The following UNG variants were observed in gnomAD, a reference collection of about 807,000 sequenced individuals.
The protein encoded by UNG is uracil-DNA glycosylase.
Under a neutral mutation model 36.5 loss-of-function variants are expected in UNG, and 34 were observed. The observed-to-expected ratio is 0.93, with a 90% CI of 0.71 to 1.24. The LOEUF (loss-of-function observed/expected upper bound fraction) is 1.24. Among genes scored for constraint, UNG ranks in the 50% most tolerant of loss-of-function variants. The pLI is 0.00. For synonymous variants in UNG, 172 were observed against 157.8 expected (o/e 1.09, Z -0.67); for missense variants, 391 against 397.6 (o/e 0.98, Z 0.14).
chr12:109,099,113 A>C, intron 2 of UNG, 76 bp from the exon 3 acceptor site: 2 of 1,349,672 alleles, frequency 1.5e-6, no homozygotes, highest in South Asian at 1.2e-5. Flanking sequence ...AATAACTTGC[A>C]CTAGAAGCTT....
intron 1 of UNG, 21 bp from the exon 2 acceptor site, chr12:109,098,411 C>A (rs368919428): frequency 1.2e-6 from 2 of 1,605,168 alleles, no homozygotes; most frequent in Non-Finnish European, 1.7e-6. Context: ...CTTGAGCCGC[C>A]TCTGCGGGGA....
At chr12:109,102,804 T>G in intron 4 of UNG, 35 bp from the exon 5 acceptor site, 3 of 1,520,032 alleles carry the variant, frequency 2.0e-6, no homozygotes, top group Non-Finnish European at 2.7e-6. Context: ...ATGCTTAAGA[T>G]TCTGTTTTTT....
chr12:109,098,356 G>C (rs774289700), intron 1 of UNG, 76 bp from the exon 2 acceptor site: 1 of 1,603,126 alleles, frequency 6.2e-7, no homozygotes, highest in Non-Finnish European at 8.5e-7. Flanking sequence ...GGCCGTGGGG[G>C]TTGGGCCGGA....
chr12:109,098,053 G>T (rs1461893193), intron 1 of UNG: 8 of 1,375,522 alleles, frequency 5.8e-6, no homozygotes, highest in Non-Finnish European at 5.7e-6. Flanking sequence ...AGGCCCTCCT[G>T]GCTCGGTGCG....
chr12:109,106,844 C>A (rs2042218007), intron 6 of UNG, among the ~76,000 whole-genome samples: 1 of 44,932 alleles, frequency 2.2e-5, no homozygotes, highest in Non-Finnish European at 5.0e-5. Flanking sequence ...TCCAGCCTGG[C>A]AACAGAGTGA....
chr12:109,099,175 T>A lies in UNG; in HGVS notation c.340-14T>A. 6.2e-7 allele frequency: 1 copy of A among 1,608,042 alleles called. No individual in the cohort carries two copies. The highest frequency in any genetic ancestry group is 8.5e-7 in the Non-Finnish European group (1 of 1,175,722). On this transcript the variant is annotated splice_polypyrimidine_tract_variant and intron_variant, in intron 2 of 6. Transcript: ENST00000242576. ...TGAGAATCTGATTTTAAGTCTAGTT[T>A]ATCTTTAAATCAGCTAATGGGATTT... is the stretch of plus-strand genomic sequence containing the variant.
chr12:109,102,784 T>A, intron 4 of UNG, 55 bp from the exon 5 acceptor site: 1 of 1,452,452 alleles, frequency 6.9e-7, no homozygotes, highest in Non-Finnish European at 9.6e-7. Context: ...GTTACTGAGC[T>A]TTCAAAATTA....
At chr12:109,105,626 T>C (rs930402275) in intron 6 of UNG, among the ~76,000 whole-genome samples, 20 of 152,214 alleles carry the variant, frequency 1.3e-4, no homozygotes, top group Non-Finnish European at 2.5e-4. Context: ...CTTCCTCCTC[T>C]GCACTCCCTA....
chr12:109,102,722 T>C (rs182850249), intron 4 of UNG, 117 bp from the exon 5 acceptor site: 1 of 785,310 alleles, frequency 1.3e-6, no homozygotes, highest in African/African-American at 1.7e-5. Flanking sequence ...TGTGCCAGTG[T>C]CCCTTCCAAG....
intron 1 of UNG, chr12:109,098,062 C>A: frequency 7.3e-7 from 1 of 1,376,392 alleles, no homozygotes; most frequent in Non-Finnish European, 9.4e-7. Flanking sequence ...TGGCTCGGTG[C>A]GCTGTCCAAT....
At chr12:109,106,933 A>ATGTG (rs1566123319) in intron 6 of UNG, among the ~76,000 whole-genome samples, 15 of 39,136 alleles carry the variant, frequency 3.8e-4, no homozygotes, top group Non-Finnish European at 7.7e-4. Context: ...ATATATATAT[A>ATGTG]TAAAAAATAT....
intron 1 of UNG, chr12:109,098,149 T>G: frequency 7.2e-7 from 1 of 1,380,260 alleles, no homozygotes; most frequent in South Asian, 1.8e-5. Flanking sequence ...GTGGGGCGGG[T>G]CTGGCGGGGG....
At position 109,102,130 on chromosome 12, in the gene UNG, A is replaced by T. The variant is rs2042183020; in HGVS notation, c.533+131A>T. The T allele has an allele frequency of 3.7e-6, 3 of 813,010 alleles. No homozygotes were observed. In the East Asian group the frequency reaches 8.1e-5, roughly 22 times the overall value. 50.4% of individuals were successfully genotyped at this position (813,010 alleles called of 1,614,324 possible). ...AGGAGGATTTCTCGGCCTCAGCACC[A>T]TTGACATTTGGGGCTGAGTCATTCT... On this transcript the variant is annotated intron_variant, in intron 4 of 6. Transcript: ENST00000242576.
At chr12:109,105,043 G>A (rs1370417068) in intron 6 of UNG, 5 of 152,114 alleles carry the variant, frequency 3.3e-5, no homozygotes, top group African/African-American at 1.2e-4. Context: ...CTCCTGAGTA[G>A]CTAGGATTAC....
chr12:109,098,734 G>A, intron 2 of UNG, 96 bp downstream of exon 2: 1 of 1,546,844 alleles, frequency 6.5e-7, no homozygotes, highest in Non-Finnish European at 8.8e-7. Flanking sequence ...GTTTCCGTAG[G>A]CTTAGGTTGT....
chr12:109,103,365 C>A, intron 5 of UNG, 68 bp from the exon 6 acceptor site: 1 of 1,432,174 alleles, frequency 7.0e-7, no homozygotes, highest in Non-Finnish European at 9.8e-7. Context: ...ATGGATTTAG[C>A]TCCTGTTGCT....
In UNG at chr12:109,098,656, C is replaced by T. The variant is rs749822150; in HGVS notation, c.339+18C>T. On this transcript the variant is annotated intron_variant, in intron 2 of 6. Coordinates refer to ENST00000242576, the MANE Select transcript of UNG (RefSeq NM_080911.3). ...TTATCAAGGTAAATATGGAAATGCA[C>T]CTTCCATAAGGGTAAATGTGGAGGC... The T allele has an allele frequency of 3.7e-6, 6 of 1,613,062 alleles. No homozygotes were observed. The South Asian group carries it at 6.6e-5, about 18-fold the overall frequency.
Position 109,103,454 on chromosome 12 carries a change from T to G in UNG, c.644T>G (p.Val215Gly), listed in dbSNP as rs867267801. 6.2e-7 allele frequency: 1 copy of G among 1,613,996 alleles called. No individual in the cohort carries two copies. Among genetic ancestry groups the G allele is most frequent in the African/African-American group, 1.3e-5 (1 of 74,914 alleles). ...AKQGVLLLNA[V>G]LTVRAHQANS... ...ATAGGTGTTCTCCTTCTCAACGCTGTCCTCACGGTTCGTGCCCATCAAGCC... is the reference window on the plus strand; with the variant it reads ...ATAGGTGTTCTCCTTCTCAACGCTGGCCTCACGGTTCGTGCCCATCAAGCC... The change falls in exon 6 of 7, where the codon GTC becomes GGC. Residue 215 changes from valine to glycine, a missense_variant. Transcript: ENST00000242576.
intron 5 of UNG, among the ~76,000 whole-genome samples, chr12:109,103,170 G>T (rs900048531): frequency 6.6e-6 from 1 of 152,018 alleles, no homozygotes; most frequent in Non-Finnish European, 1.5e-5. Flanking sequence ...TGGCCAGGCT[G>T]GTCTCGAACT....
Sources: gnomAD v4.1 joint callset for allele counts (sites outside exome capture counted in the v4.1 genomes callset) on GRCh38, gnomAD v4.1.1 for gene constraint, MANE v1.5 for transcripts, NCBI Gene and HGNC (gene_info 2026-07-23, HGNC 2026-07-21) for gene names.